The following RPS6KC1 variants were observed in gnomAD, a reference collection of about 807,000 sequenced individuals.
RPS6KC1 encodes the protein inactive ribosomal protein S6 kinase delta-1.
In RPS6KC1, 54 loss-of-function variants were observed where a neutral mutation model predicts 103.8. That is an observed-to-expected ratio of 0.52 (90% CI 0.42 to 0.65). RPS6KC1 has a LOEUF of 0.65. Ranked by LOEUF, RPS6KC1 falls within the 30% of genes least tolerant of loss-of-function variation. The pLI is 0.00. For synonymous variants in RPS6KC1, 439 were observed against 438.7 expected, an observed-to-expected ratio of 1.00 and a Z score of -0.01; for missense variants, 1,151 against 1,253.8, an observed-to-expected ratio of 0.92 and a Z score of 1.24.
intron 12 of RPS6KC1, among the ~76,000 whole-genome samples, chr1:213,254,255 C>T (rs530107940): frequency 6.6e-6 from 1 of 152,254 alleles, no homozygotes; most frequent in East Asian, 1.9e-4. Flanking sequence ...TTTTACTAAA[C>T]AGTTTGCACA....
At chr1:213,121,161 T>A (rs979930518) in intron 5 of RPS6KC1, among the ~76,000 whole-genome samples, 1 of 152,208 alleles carries the variant, frequency 6.6e-6, no homozygotes, top group African/African-American at 2.4e-5. Flanking sequence ...CTCGAACTCT[T>A]AGACGCAAGT....
At chr1:213,230,321 G>C (rs954898333) in intron 8 of RPS6KC1, among the ~76,000 whole-genome samples, 176 bp from the exon 9 acceptor site, 1 of 152,016 alleles carries the variant, frequency 6.6e-6, no homozygotes, top group Admixed American at 6.6e-5. Context: ...AACCTATTTT[G>C]GATAAGATTA....
chr1:213,503,661 G>A, the RPS6KC1 span, among the ~76,000 whole-genome samples: 1 of 152,280 alleles, frequency 6.6e-6, no homozygotes, highest in East Asian at 1.9e-4. Context: ...AGAGATTGGG[G>A]CATTGCAAAG....
chr1:213,836,678 A>T, the RPS6KC1 span, among the ~76,000 whole-genome samples: 1 of 152,192 alleles, frequency 6.6e-6, no homozygotes, highest in Admixed American at 6.5e-5. Flanking sequence ...TATTGAAACA[A>T]ATGTTTCTGA....
At chr1:213,184,716 GT>G (rs1277894589) in intron 8 of RPS6KC1, among the ~76,000 whole-genome samples, 1 of 152,076 alleles carries the variant, frequency 6.6e-6, no homozygotes, top group Admixed American at 6.6e-5. Context: ...GTTTCGAGAA[GT>G]TTTTTAATTT....
the RPS6KC1 span, among the ~76,000 whole-genome samples, chr1:213,855,724 TTG>T: frequency 6.6e-6 from 1 of 152,264 alleles, no homozygotes; most frequent in African/African-American, 2.4e-5. Context: ...TCACTGCTCC[TTG>T]GCCCTTCAGC....
At chr1:213,522,310 A>T in the RPS6KC1 span, among the ~76,000 whole-genome samples, 1 of 152,214 alleles carries the variant, frequency 6.6e-6, no homozygotes, top group Admixed American at 6.5e-5. Context: ...CAGTTAGGCC[A>T]TGCTATAAAC....
At chr1:213,552,013 C>T in the RPS6KC1 span, among the ~76,000 whole-genome samples, 1 of 152,282 alleles carries the variant, frequency 6.6e-6, no homozygotes, top group East Asian at 1.9e-4. Flanking sequence ...AAGTTTCCTC[C>T]ATCTCTGCAA....
the RPS6KC1 span, among the ~76,000 whole-genome samples, chr1:213,337,043 G>A: frequency 6.6e-6 from 1 of 152,122 alleles, no homozygotes; most frequent in Non-Finnish European, 1.5e-5. Flanking sequence ...ACCTGGCCAG[G>A]GATATCAATT....
At chr1:213,585,406 C>T in the RPS6KC1 span, among the ~76,000 whole-genome samples, 1 of 152,174 alleles carries the variant, frequency 6.6e-6, no homozygotes, top group Non-Finnish European at 1.5e-5. Context: ...CTCCCCTGCT[C>T]CCAGGAGAAT....
chr1:213,114,120 G>A (rs1233512127), intron 4 of RPS6KC1, among the ~76,000 whole-genome samples: 1 of 151,984 alleles, frequency 6.6e-6, no homozygotes, highest in Non-Finnish European at 1.5e-5. Context: ...GCTTGGTGGG[G>A]ATGGCATTGA....
At chr1:213,861,112 G>T in the RPS6KC1 span, among the ~76,000 whole-genome samples, 1 of 152,096 alleles carries the variant, frequency 6.6e-6, no homozygotes, top group Non-Finnish European at 1.5e-5. Flanking sequence ...CCCAGCTAAA[G>T]CTTTGAAATT....
At chr1:213,441,708 G>C in the RPS6KC1 span, among the ~76,000 whole-genome samples, 5 of 152,238 alleles carry the variant, frequency 3.3e-5, no homozygotes, top group Admixed American at 3.3e-4. Context: ...GTGAGGAGTG[G>C]TGAGATGATG....
intron 3 of RPS6KC1, among the ~76,000 whole-genome samples, chr1:213,098,303 A>AT (rs34192228): frequency 8.6e-4 from 105 of 121,820 alleles, no homozygotes; most frequent in South Asian, 8.5e-3. Context: ...TGCCCGGCTA[A>AT]TTTTTTTTTT....
chr1:213,323,132 C>T, the RPS6KC1 span, among the ~76,000 whole-genome samples: 2 of 151,924 alleles, frequency 1.3e-5, no homozygotes, highest in Admixed American at 1.3e-4. Flanking sequence ...AGTTCTGCTT[C>T]TGTCATTCCA....
the RPS6KC1 span, among the ~76,000 whole-genome samples, chr1:213,437,745 C>CT: frequency 6.7e-6 from 1 of 150,236 alleles, no homozygotes; most frequent in Admixed American, 6.6e-5. Context: ...ATTTTTCTGC[C>CT]TTTTGTTTTT....
the RPS6KC1 span, among the ~76,000 whole-genome samples, chr1:213,343,385 T>TGG: frequency 1.4e-5 from 1 of 72,092 alleles, no homozygotes; most frequent in African/African-American, 7.0e-5. Context: ...TTTTTCAGTG[T>TGG]TGTGTGTATA....
At chr1:213,350,951 T>C in the RPS6KC1 span, among the ~76,000 whole-genome samples, 1 of 152,214 alleles carries the variant, frequency 6.6e-6, no homozygotes, top group Non-Finnish European at 1.5e-5. Flanking sequence ...ATATGTTTTC[T>C]TGTCGTCAAA....
chr1:213,516,737 C>T, the RPS6KC1 span, among the ~76,000 whole-genome samples: 29 of 152,304 alleles, frequency 1.9e-4, no homozygotes, highest in South Asian at 6.0e-3. Flanking sequence ...TGATGATGGC[C>T]TCATAAAATG....
Sources: allele counts gnomAD v4.1 joint callset (sites outside exome capture counted in the v4.1 genomes callset), GRCh38; gene constraint gnomAD v4.1.1; transcripts MANE v1.5; gene names NCBI Gene and HGNC (gene_info 2026-07-23, HGNC 2026-07-21).